The following TEX11 variants were observed in gnomAD, a reference collection of about 807,000 sequenced individuals.
The protein encoded by TEX11 is testis expressed 11, also known as testis-expressed protein 11.
Under a neutral mutation model 84.4 loss-of-function variants are expected in TEX11, and 7 were observed. The observed-to-expected ratio is 0.08, with a 90% confidence interval of 0.05 to 0.16. The LOEUF (loss-of-function observed/expected upper bound fraction) is 0.16. Among genes scored for constraint, TEX11 ranks in the 10% least tolerant of loss-of-function variants. The pLI is 1.00. For synonymous variants in TEX11, 264 were observed against 222.8 expected (o/e 1.18, Z -1.64); for missense variants, 551 against 660.5 (o/e 0.83, Z 1.82).
chrX:70,679,463 T>C (rs1158215368), intron 14 of TEX11, among the ~76,000 whole-genome samples: 23 of 101,164 alleles, frequency 2.3e-4, no homozygotes, highest in Admixed American at 9.3e-4. Context: ...GGAGCGTCTC[T>C]GCCCGGCCGC....
intron 28 of TEX11, among the ~76,000 whole-genome samples, chrX:70,551,013 A>G (rs1463662407): frequency 9.0e-6 from 1 of 111,718 alleles, no homozygotes; most frequent in Admixed American, 9.5e-5. Flanking sequence ...GTGTCCATCA[A>G]CAGATGAATG....
At chrX:70,587,002 C>T (rs943339270) in intron 25 of TEX11, among the ~76,000 whole-genome samples, 1 of 112,143 alleles carries the variant, frequency 8.9e-6, no homozygotes, top group African/African-American at 3.2e-5. Context: ...GGAACTGGAG[C>T]AAAGGTCACT....
At chrX:70,844,962 C>G (rs184016294) in intron 7 of TEX11, among the ~76,000 whole-genome samples, 310 of 110,752 alleles carry the variant, frequency 2.8e-3, no homozygotes, top group Middle Eastern at 0.014. Context: ...TATTTAGAAG[C>G]TACCAAGCTC....
At position 70,897,608 on chromosome X, in the gene TEX11, A is replaced by AAAGGGAGGAAGGAAGGAAGGAAGG. The variant is rs763024036; in HGVS notation, c.37+10144_37+10145insCCTTCCTTCCTTCCTTCCTCCCTT. On this transcript the variant is annotated intron_variant, in intron 2 of 29. Transcript: ENST00000374333. ...CCATCTAAGGAAAGAAAGAAAGAAA[A>AAAGGGAGGAAGGAAGGAAGGAAGG]AAGGAAGGAAGGAAGGAAGGAAGGA... 2.3e-3 allele frequency: 126 copies of AAAGGGAGGAAGGAAGGAAGGAAGG among 53,841 alleles called. 7 individuals are homozygous for AAAGGGAGGAAGGAAGGAAGGAAGG. The highest frequency in any genetic ancestry group is 5.1e-3 in the East Asian group (8 of 1,555). 4.4% of individuals were successfully genotyped at this position (53,841 alleles called of 1,213,427 possible). A position where few individuals can be genotyped will look rare whatever the true frequency, so the allele number is the denominator to read the frequency against.
chrX:70,816,779 T>C (rs1158991081), intron 8 of TEX11, among the ~76,000 whole-genome samples: 1 of 108,299 alleles, frequency 9.2e-6, no homozygotes, highest in Non-Finnish European at 1.9e-5. Context: ...AGAGCCCAAA[T>C]AGGGTGAGAG....
rs113936797 is a variant in TEX11 at position 70,800,693 on chromosome X, T to C, written c.692+6012A>G. ...CTTCTTCCTATTTCATGTGCTTTTT[T>C]TTTTTTTTTTTTTTTTTGAGACAAG... On this transcript the variant is annotated intron_variant, in intron 9 of 29. Coordinates refer to ENST00000374333, the MANE Select transcript of TEX11 (RefSeq NM_031276.3). 2.5e-3 allele frequency among the ~76,000 whole-genome samples: 134 copies of C among 54,427 alleles called. 1 individual carries two copies. The highest frequency in any genetic ancestry group is 3.7e-3 in the African/African-American group (48 of 13,014). 47.3% of individuals were successfully genotyped at this position (54,427 alleles called of 115,157 possible).
At chrX:70,590,415 T>C (rs2088913306) in intron 25 of TEX11, among the ~76,000 whole-genome samples, 1 of 111,747 alleles carries the variant, frequency 8.9e-6, no homozygotes, top group Admixed American at 9.5e-5. Flanking sequence ...ATTAAAATAA[T>C]AACATACTAT....
At chrX:70,855,524 C>G (rs1244465205) in intron 5 of TEX11, among the ~76,000 whole-genome samples, 2 of 108,977 alleles carry the variant, frequency 1.8e-5, no homozygotes, top group East Asian at 2.9e-4. Context: ...TGAGATCATG[C>G]CACTGCACTC....
intron 24 of TEX11, among the ~76,000 whole-genome samples, chrX:70,603,810 A>G (rs1408039983): frequency 9.0e-6 from 1 of 110,610 alleles, no homozygotes; most frequent in Non-Finnish European, 1.9e-5. Flanking sequence ...TCATCTGACA[A>G]AGGGCTAATA....
chrX:70,678,800 A>G lies in TEX11; in HGVS notation c.1242+4T>C. 8.3e-7 allele frequency: 1 copy of G among 1,198,106 alleles called. No individual in the cohort carries two copies. Among genetic ancestry groups the G allele is most frequent in the East Asian group, 3.0e-5 (1 of 33,722 alleles). On this transcript the variant is annotated splice_donor_region_variant and intron_variant, in intron 15 of 29. Coordinates refer to ENST00000374333, the MANE Select transcript of TEX11 (RefSeq NM_031276.3). ...AAAGAATGAAAAAGAGATTATTCTC[A>G]AACCTCAAAACTACTGGCAGCTTGT...
chrX:70,763,210 A>C (rs898773805), intron 9 of TEX11, among the ~76,000 whole-genome samples: 6 of 112,147 alleles, frequency 5.4e-5, no homozygotes, highest in Admixed American at 9.5e-5. Flanking sequence ...AATGACCATC[A>C]ACCAATGAGT....
At chrX:70,860,325 C>T (rs2091562041) in intron 5 of TEX11, among the ~76,000 whole-genome samples, 1 of 111,706 alleles carries the variant, frequency 9.0e-6, no homozygotes, top group African/African-American at 3.3e-5. Context: ...TTATAGTTTA[C>T]AAAGCATTTT....
chrX:70,727,150 G>T (rs1250758684), intron 11 of TEX11, among the ~76,000 whole-genome samples: 1 of 111,265 alleles, frequency 9.0e-6, no homozygotes, highest in African/African-American at 3.3e-5. Flanking sequence ...TCACACAACT[G>T]GTAAGTAGTA....
At chrX:70,750,422 G>A (rs2147756129) in intron 9 of TEX11, among the ~76,000 whole-genome samples, 1 of 111,220 alleles carries the variant, frequency 9.0e-6, no homozygotes, top group Admixed American at 9.6e-5. Flanking sequence ...CCCATTACTG[G>A]GTATATAGCC....
chrX:70,849,832 T>C (rs766118835), intron 7 of TEX11, among the ~76,000 whole-genome samples: 1 of 112,161 alleles, frequency 8.9e-6, no homozygotes, highest in South Asian at 3.7e-4. Context: ...TATATAAAGA[T>C]GCCATTTAGA....
At chrX:70,529,779 C>T in intron 29 of TEX11, 56 bp downstream of exon 29, 2 of 1,123,843 alleles carry the variant, frequency 1.8e-6, no homozygotes, top group Non-Finnish European at 2.4e-6. Context: ...GAGAGCCCAG[C>T]CATAACCTCT....
At chrX:70,906,338 T>G (rs1569464809) in intron 2 of TEX11, among the ~76,000 whole-genome samples, 1 of 107,352 alleles carries the variant, frequency 9.3e-6, no homozygotes, top group Non-Finnish European at 1.9e-5. Flanking sequence ...TTTCTATACT[T>G]TTCTGTGTGA....
intron 17 of TEX11, among the ~76,000 whole-genome samples, chrX:70,634,605 T>C (rs2089548014): frequency 9.1e-6 from 1 of 110,001 alleles, no homozygotes; most frequent in South Asian, 3.9e-4. Flanking sequence ...CAGAAAGAGA[T>C]CCACACATAT....
intron 9 of TEX11, among the ~76,000 whole-genome samples, chrX:70,766,654 C>G (rs1462219737): frequency 9.0e-6 from 1 of 110,638 alleles, no homozygotes. Flanking sequence ...AACCACAAAA[C>G]ACCCAGAATA....
Sources: allele counts gnomAD v4.1 joint callset (sites outside exome capture counted in the v4.1 genomes callset), GRCh38; gene constraint gnomAD v4.1.1; transcripts MANE v1.5; gene names NCBI Gene and HGNC (gene_info 2026-07-23, HGNC 2026-07-21).